CTCF: variants seen among roughly 807,000 people sequenced by gnomAD.
The protein encoded by CTCF is CCCTC-binding factor, also known as transcriptional repressor CTCF.
Under a neutral mutation model 72.3 loss-of-function variants are expected in CTCF, and 7 were observed. The observed-to-expected ratio is 0.10, with a 90% CI of 0.06 to 0.18. The LOEUF is 0.18. Ranked by LOEUF, CTCF falls within the 10% of genes least tolerant of loss-of-function variation. CTCF has a pLI of 1.00. For synonymous variants in CTCF, 374 were observed against 315.8 expected, an observed-to-expected ratio of 1.18 and a Z score of -1.95; for missense variants, 516 against 949.1, an observed-to-expected ratio of 0.54 and a Z score of 6.00.
At chr16:67,566,384 T>G (rs1384194357) in intron 1 of CTCF, among the ~76,000 whole-genome samples, 1 of 151,204 alleles carries the variant, frequency 6.6e-6, no homozygotes, top group Non-Finnish European at 1.5e-5. Context: ...TATGTCTGTT[T>G]CTGTAATCCC....
At position 67,631,161 on chromosome 16, in the gene CTCF, T is replaced by G. The variant is rs556826459; in HGVS notation, c.1837+1628T>G. ...TTTTTTTGTTCTTTGTTTGTTTTTT[T>G]TTTGTTTTTTGTTTTTTTTTTGAGA... On this transcript the variant is annotated intron_variant, in intron 10 of 11. Transcript: ENST00000264010. Among the ~76,000 whole-genome samples, 39 of 135,408 alleles carry G rather than the reference T, an allele frequency of 2.9e-4. 1 individual carries two copies. The highest frequency in any genetic ancestry group is 8.6e-4 in the African/African-American group (30 of 35,010). The allele number at this position is 135,408 out of a possible 152,430, so 88.8% of individuals were successfully genotyped here.
At chr16:67,594,320 G>A (rs976203568) in intron 2 of CTCF, among the ~76,000 whole-genome samples, 1 of 151,404 alleles carries the variant, frequency 6.6e-6, no homozygotes, top group Non-Finnish European at 1.5e-5. Context: ...GGATGTCAAG[G>A]CTGTAGTGAG....
chr16:67,605,420 GTAAGAAGCCT>G (rs2051961033), intron 2 of CTCF, among the ~76,000 whole-genome samples: 1 of 152,224 alleles, frequency 6.6e-6, no homozygotes, highest in Non-Finnish European at 1.5e-5. Context: ...GAACAGCATA[GTAAGAAGCCT>G]TTGCATTGGA....
At position 67,638,336 on chromosome 16, in the gene CTCF, G is replaced by T. The variant is rs1247917021; in HGVS notation, c.*464G>T. ...TGACTCCCTTTGCTTGGAGTCAGCTGCACACCAGTAGTATGGCATGCTACG... is the reference window on the plus strand; with the variant it reads ...TGACTCCCTTTGCTTGGAGTCAGCTTCACACCAGTAGTATGGCATGCTACG... On this transcript the variant is annotated 3_prime_UTR_variant, in exon 12 of 12. Coordinates refer to ENST00000264010, the MANE Select transcript of CTCF (RefSeq NM_006565.4). 1.3e-5 allele frequency: 3 copies of T among 228,194 alleles called. No individual in the cohort carries two copies. Among genetic ancestry groups the T allele is most frequent in the Non-Finnish European group, 1.7e-5 (2 of 115,054 alleles). 14.1% of individuals were successfully genotyped at this position (228,194 alleles called of 1,614,324 possible).
At chr16:67,617,833 A>G (rs377026036) in intron 5 of CTCF, among the ~76,000 whole-genome samples, 1 of 152,232 alleles carries the variant, frequency 6.6e-6, no homozygotes, top group African/African-American at 2.4e-5. Context: ...AAAACTACCA[A>G]AAAGAAAACT....
chr16:67,612,087 C>T lies in CTCF; in HGVS notation c.918C>T (p.Val306=), dbSNP rs746623469. The T allele has an allele frequency of 1.2e-6, 2 of 1,614,162 alleles. No individual in the cohort carries two copies. Among genetic ancestry groups the T allele is most frequent in the East Asian group, 4.5e-5 (2 of 44,884 alleles). The stretch of plus-strand genomic sequence containing the variant: ...TCTGTGGCAGGGCATTCAGAACAGT[C>T]ACCCTCCTGAGGAATCACCTTAACA... ...CHLCGRAFRT[V]TLLRNHLNTH... is the part of the protein sequence containing the mutation. The change falls in exon 4 of 12, where the codon GTC becomes GTT. Residue 306 remains valine (V), a synonymous_variant. Coordinates refer to ENST00000264010, the MANE Select transcript of CTCF (RefSeq NM_006565.4).
At chr16:67,590,983 A>AAAAAG (rs370447334) in intron 2 of CTCF, among the ~76,000 whole-genome samples, 1 of 127,842 alleles carries the variant, frequency 7.8e-6, no homozygotes, top group Non-Finnish European at 1.7e-5. Context: ...AAAAAAAAAA[A>AAAAAG]TGCTGGACTG....
At chr16:67,603,736 A>G (rs568889209) in intron 2 of CTCF, among the ~76,000 whole-genome samples, 2 of 151,240 alleles carry the variant, frequency 1.3e-5, no homozygotes, top group African/African-American at 4.9e-5. Flanking sequence ...GAGGCAGGAG[A>G]ATGGCGTTAA....
In CTCF at chr16:67,626,691, C is replaced by T; in HGVS notation, c.1494C>T (p.Asp498=). ...SHKNEKRFKC[D]QCDYACRQER... is the part of the protein sequence containing the mutation. ...AGAATGAGAAGCGCTTTAAGTGTGA[C>T]CAGTGTGATTACGCTTGTAGACAGG... Residue 498 remains aspartate, a synonymous_variant, in exon 8 of 12, where the codon GAC becomes GAT. Coordinates refer to ENST00000264010, the MANE Select transcript of CTCF (RefSeq NM_006565.4). The T allele has an allele frequency of 1.3e-6, 2 of 1,504,760 alleles. No individual in the cohort carries two copies. Among genetic ancestry groups the T allele is most frequent in the Non-Finnish European group, 1.8e-6 (2 of 1,121,640 alleles). The allele number at this position is 1,504,760 out of a possible 1,614,324, so 93.2% of individuals were successfully genotyped here. A position where few individuals can be genotyped will look rare whatever the true frequency, so the allele number is the denominator to read the frequency against.
chr16:67,579,333 G>A (rs2051548173), intron 2 of CTCF, among the ~76,000 whole-genome samples: 2 of 151,874 alleles, frequency 1.3e-5, no homozygotes, highest in Non-Finnish European at 2.9e-5. Context: ...AGACGTTTGA[G>A]TTGTTTTCAA....
At chr16:67,597,734 C>G (rs534873929) in intron 2 of CTCF, among the ~76,000 whole-genome samples, 5 of 152,112 alleles carry the variant, frequency 3.3e-5, no homozygotes, top group Non-Finnish European at 7.4e-5. Context: ...TTTCTGGTAC[C>G]TTTTATGCAG....
At chr16:67,614,344 C>CT (rs1358580488) in intron 4 of CTCF, 1 of 120,054 alleles carries the variant, frequency 8.3e-6, no homozygotes, top group Non-Finnish European at 1.7e-5. Context: ...GAGACTCCAT[C>CT]TCAAAAAAAA....
chr16:67,579,312 C>G (rs1008175473), intron 2 of CTCF, among the ~76,000 whole-genome samples: 1 of 151,706 alleles, frequency 6.6e-6, no homozygotes, highest in East Asian at 1.9e-4. Context: ...GCTTACTATA[C>G]ACGTTGTTCT....
intron 2 of CTCF, among the ~76,000 whole-genome samples, chr16:67,595,296 T>C (rs1338256308): frequency 6.6e-6 from 1 of 151,784 alleles, no homozygotes; most frequent in Non-Finnish European, 1.5e-5. Context: ...TAGCTGGAAC[T>C]ATAGGTACAA....
chr16:67,613,991 A>G (rs2052096094), intron 4 of CTCF, among the ~76,000 whole-genome samples: 1 of 152,122 alleles, frequency 6.6e-6, no homozygotes, highest in Non-Finnish European at 1.5e-5. Flanking sequence ...GGTGAGGAGT[A>G]TACCTTTTCA....
intron 2 of CTCF, among the ~76,000 whole-genome samples, chr16:67,584,337 CTTTT>C (rs904086024): frequency 1.9e-5 from 2 of 105,830 alleles, no homozygotes; most frequent in African/African-American, 4.3e-5. Flanking sequence ...AAAAAGTCTT[CTTTT>C]TTTTTTTTTT....
chr16:67,611,026 A>G lies in CTCF; in HGVS notation c.194A>G (p.Gln65Arg). 1 of 1,614,188 alleles carries G rather than the reference A, an allele frequency of 6.2e-7. No homozygotes were observed. Among genetic ancestry groups the G allele is most frequent in the Non-Finnish European group, 8.5e-7 (1 of 1,180,016 alleles). Residue 65 changes from glutamine (Q) to arginine (R), a missense_variant, in exon 3 of 12, where the codon CAG (glutamine) becomes CGG (arginine). Coordinates refer to ENST00000264010, the MANE Select transcript of CTCF (RefSeq NM_006565.4). ...NSSVQMVMME[Q>R]LDPTLLQMKT... ...AGTGTACAGATGGTGATGATGGAAC[A>G]GCTGGACCCCACCCTTCTTCAGATG...
At chr16:67,574,107 G>A (rs559201438) in intron 2 of CTCF, among the ~76,000 whole-genome samples, 1 of 151,934 alleles carries the variant, frequency 6.6e-6, no homozygotes, top group South Asian at 2.1e-4. Context: ...TGCCAACTAG[G>A]TGTCATCCAA....
rs1413328164 is a variant in CTCF at position 67,637,951 on chromosome 16, CT to C, written c.*86del. The C allele has an allele frequency of 9.4e-6, 12 of 1,272,012 alleles. No homozygotes were observed. The highest frequency in any genetic ancestry group is 5.5e-5 in the Admixed American group (2 of 36,640). The allele number at this position is 1,272,012 out of a possible 1,614,324, so 78.8% of individuals were successfully genotyped here. A position where few individuals can be genotyped will look rare whatever the true frequency, so the allele number is the denominator to read the frequency against. ...GCATCTTAATTTTTCTCCCTTCTTT[CT>C]TTTTTTGGCTTTGGGAAAAGCATCA... On this transcript the variant is annotated 3_prime_UTR_variant, in exon 12 of 12. Coordinates refer to ENST00000264010, the MANE Select transcript of CTCF (RefSeq NM_006565.4).
Sources: gnomAD v4.1 joint callset for allele counts (sites outside exome capture counted in the v4.1 genomes callset) on GRCh38, gnomAD v4.1.1 for gene constraint, MANE v1.5 for transcripts, NCBI Gene and HGNC (gene_info 2026-07-23, HGNC 2026-07-21) for gene names.